Variants in SINHCAF observed in about 807,000 individuals in gnomAD.
SINHCAF encodes the protein SIN3-HDAC complex associated factor, also known as SIN3-HDAC complex-associated factor.
A neutral mutation model predicts 25.8 loss-of-function variants in SINHCAF; 3 were observed. That is an observed-to-expected ratio of 0.12 (90% CI 0.05 to 0.30). The LOEUF (loss-of-function observed/expected upper bound fraction) is 0.30. Ranked by LOEUF, SINHCAF falls within the 10% of genes least tolerant of loss-of-function variation. The pLI is 1.00. For synonymous variants in SINHCAF, 70 were observed against 85.5 expected (o/e 0.82, Z 1.00); for missense variants, 121 against 262.3 (o/e 0.46, Z 3.72).
intron 1 of SINHCAF, among the ~76,000 whole-genome samples, chr12:31,299,516 G>C (rs1267898504): frequency 5.9e-5 from 9 of 151,920 alleles, no homozygotes; most frequent in African/African-American, 2.2e-4. Flanking sequence ...CAGGGTTTCA[G>C]CATGTTAGCC....
In SINHCAF at chr12:31,299,001, CCAGAGA is replaced by C. The variant is rs1938663466; in HGVS notation, c.-20-783_-20-778del. On this transcript the variant is annotated intron_variant, in intron 1 of 5. Coordinates refer to ENST00000337682, the MANE Select transcript of SINHCAF (RefSeq NM_001135812.2). The stretch of plus-strand genomic sequence containing the variant: ...GTAGTAACAGTGGGAGGCAAATGTC[CCAGAGA>C]CGTAGAGTGAAATAAATTGCAGTCC... 2.6e-5 allele frequency among the ~76,000 whole-genome samples: 4 copies of C among 151,500 alleles called. 1 individual carries two copies. Among genetic ancestry groups the C allele is most frequent in the African/African-American group, 7.3e-5 (3 of 41,272 alleles).
intron 1 of SINHCAF, among the ~76,000 whole-genome samples, chr12:31,309,663 G>GTTTTTTTTTT (rs1939183135): frequency 1.4e-5 from 2 of 138,732 alleles, no homozygotes; most frequent in African/African-American, 2.7e-5. Flanking sequence ...ATCAACTTGT[G>GTTTTTTTTTT]ATTTTTTTTT....
At chr12:31,299,226 C>T (rs141642662) in intron 1 of SINHCAF, among the ~76,000 whole-genome samples, 97 of 152,244 alleles carry the variant, frequency 6.4e-4, no homozygotes, top group African/African-American at 2.3e-3. Context: ...AGAAACTAAA[C>T]TCCAATGGAC....
At chr12:31,293,980 T>C (rs1266729680) in intron 3 of SINHCAF, 49 bp from the exon 4 acceptor site, 2 of 1,488,700 alleles carry the variant, frequency 1.3e-6, no homozygotes, top group South Asian at 1.3e-5. Flanking sequence ...ATGACACCAG[T>C]GTATCCCTTT....
chr12:31,286,101 G>C (rs1317044526), intron 5 of SINHCAF, among the ~76,000 whole-genome samples: 1 of 152,040 alleles, frequency 6.6e-6, no homozygotes, highest in Non-Finnish European at 1.5e-5. Flanking sequence ...TATTGTATTG[G>C]TTAGAACCTT....
chr12:31,306,048 A>G (rs955426422), intron 1 of SINHCAF, among the ~76,000 whole-genome samples: 5 of 152,130 alleles, frequency 3.3e-5, no homozygotes, highest in African/African-American at 1.2e-4. Context: ...AAGTTCCCCT[A>G]TTGCTGTGAA....
intron 3 of SINHCAF, among the ~76,000 whole-genome samples, chr12:31,294,615 T>A (rs1335852865): frequency 6.6e-6 from 1 of 152,220 alleles, no homozygotes; most frequent in East Asian, 1.9e-4. Flanking sequence ...TGCAGATTTC[T>A]ACCCCATGTA....
intron 1 of SINHCAF, among the ~76,000 whole-genome samples, chr12:31,302,636 T>C (rs1419111586): frequency 6.6e-6 from 1 of 151,764 alleles, no homozygotes; most frequent in Non-Finnish European, 1.5e-5. Flanking sequence ...TATTCATACA[T>C]TTTTTTAAAC....
At chr12:31,311,567 T>A (rs576509808) in intron 1 of SINHCAF, 51 of 295,880 alleles carry the variant, frequency 1.7e-4, no homozygotes, top group African/African-American at 9.7e-4. Context: ...GGACCGAGCA[T>A]GAGCAAGCCA....
intron 1 of SINHCAF, among the ~76,000 whole-genome samples, chr12:31,316,978 G>T (rs1939518540): frequency 2.0e-5 from 3 of 152,270 alleles, no homozygotes; most frequent in South Asian, 4.1e-4. Context: ...TAGTTGGCAT[G>T]CATGCTTTGA....
chr12:31,323,822 G>A (rs1415374792), intron 1 of SINHCAF: 9 of 410,216 alleles, frequency 2.2e-5, no homozygotes, highest in Non-Finnish European at 4.0e-5. Context: ...CGTCGTCGGG[G>A]CTGGGTCCCC....
intron 1 of SINHCAF, among the ~76,000 whole-genome samples, chr12:31,321,835 T>G (rs1198187449): frequency 6.6e-6 from 1 of 152,198 alleles, no homozygotes; most frequent in Admixed American, 6.5e-5. Flanking sequence ...ATAAGAGCCC[T>G]GTATAGTTGG....
intron 5 of SINHCAF, among the ~76,000 whole-genome samples, chr12:31,283,855 T>TACAG (rs1555110509): frequency 1.4e-5 from 2 of 140,480 alleles, no homozygotes; most frequent in Non-Finnish European, 3.1e-5. Context: ...AGTTATCCAT[T>TACAG]ACACACACAC....
intron 4 of SINHCAF, among the ~76,000 whole-genome samples, chr12:31,292,685 A>C (rs1022065543): frequency 6.6e-6 from 1 of 152,066 alleles, no homozygotes; most frequent in African/African-American, 2.4e-5. Context: ...TCAAGTTTAA[A>C]TCACCTCTTT....
At chr12:31,302,082 G>A (rs939980246) in intron 1 of SINHCAF, among the ~76,000 whole-genome samples, 2 of 152,118 alleles carry the variant, frequency 1.3e-5, no homozygotes, top group African/African-American at 2.4e-5. Context: ...AGGAAGAAAG[G>A]TAATACTATC....
Position 31,325,501 on chromosome 12 carries a change from G to A in SINHCAF, c.-21+523C>T, listed in dbSNP as rs1487901666. On this transcript the variant is annotated intron_variant, in intron 1 of 5. Transcript: ENST00000337682. This position sits in a 1 kb window ranked among gnomAD's most constrained non-coding sequence, Gnocchi z 5.9. Reference sequence around the variant, plus strand: ...AGTTTCCGAGCGAATGGCGTTTATTGTCCACCCTAGTCCGAGGGCTGCAGT... The same window carrying A: ...AGTTTCCGAGCGAATGGCGTTTATTATCCACCCTAGTCCGAGGGCTGCAGT... 3 of 313,612 alleles carry A rather than the reference G, an allele frequency of 9.6e-6. No individual in the cohort carries two copies. Among genetic ancestry groups the A allele is most frequent in the Non-Finnish European group, 1.9e-5 (3 of 157,162 alleles). 19.4% of individuals were successfully genotyped at this position (313,612 alleles called of 1,614,324 possible).
At chr12:31,320,343 T>A (rs1325475357) in intron 1 of SINHCAF, among the ~76,000 whole-genome samples, 2 of 152,212 alleles carry the variant, frequency 1.3e-5, no homozygotes, top group African/African-American at 2.4e-5. Flanking sequence ...CGGCTTACCC[T>A]CTATCCCCTT....
At chr12:31,283,315 T>C (rs768258408) in intron 5 of SINHCAF, among the ~76,000 whole-genome samples, 13 of 152,062 alleles carry the variant, frequency 8.5e-5, no homozygotes, top group South Asian at 2.1e-4. Context: ...TAAAAATACA[T>C]GTGTGGGCCG....
At chr12:31,283,975 T>C (rs532735751) in intron 5 of SINHCAF, among the ~76,000 whole-genome samples, 2 of 152,280 alleles carry the variant, frequency 1.3e-5, no homozygotes, top group Non-Finnish European at 2.9e-5. Flanking sequence ...TTTTAACATG[T>C]ATAATATTCT....
Sources: gnomAD v4.1 joint callset for allele counts (sites outside exome capture counted in the v4.1 genomes callset) on GRCh38, gnomAD v4.1.1 for gene constraint, Gnocchi (gnomAD v3.1) non-coding constraint, MANE v1.5 for transcripts, NCBI Gene and HGNC (gene_info 2026-07-23, HGNC 2026-07-21) for gene names.